The following ASH2L variants were observed in gnomAD, a reference collection of about 807,000 sequenced individuals.
ASH2L encodes the protein ASH2 like, histone lysine methyltransferase complex subunit, also known as set1/Ash2 histone methyltransferase complex subunit ASH2.
A neutral mutation model predicts 81.1 loss-of-function variants in ASH2L; 30 were observed. The ratio of observed to expected loss-of-function variants is 0.37; its 90% CI spans 0.28 to 0.50. The LOEUF (loss-of-function observed/expected upper bound fraction) is 0.50. Ranked by LOEUF, ASH2L falls within the 20% of genes least tolerant of loss-of-function variation. The pLI is 0.95. For synonymous variants in ASH2L, 273 were observed against 279.9 expected, an observed-to-expected ratio of 0.98 and a Z score of 0.24; for missense variants, 559 against 792.1, an observed-to-expected ratio of 0.71 and a Z score of 3.53.
chr8:38,121,343 A>ATATATATATATATT (rs1811140214), intron 10 of ASH2L, among the ~76,000 whole-genome samples, 194 bp downstream of exon 10: 1 of 35,248 alleles, frequency 2.8e-5, no homozygotes, highest in African/African-American at 8.7e-5. Flanking sequence ...TTATATATAT[A>ATATATATATATATT]TATATATATA....
intron 3 of ASH2L, among the ~76,000 whole-genome samples, chr8:38,110,177 G>T (rs1254135563): frequency 6.6e-6 from 1 of 152,182 alleles, no homozygotes; most frequent in African/African-American, 2.4e-5. Context: ...GGGCATGGTG[G>T]CTAATGCCTA....
At chr8:38,132,217 C>T (rs763157695) in intron 12 of ASH2L, among the ~76,000 whole-genome samples, 4 of 152,168 alleles carry the variant, frequency 2.6e-5, no homozygotes, top group Non-Finnish European at 4.4e-5. Flanking sequence ...GACACTGGAA[C>T]AGTGATTACT....
At chr8:38,116,836 G>A (rs1426353976) in intron 8 of ASH2L, 111 bp downstream of exon 8, 2 of 884,004 alleles carry the variant, frequency 2.3e-6, no homozygotes, top group African/African-American at 3.4e-5. Context: ...TTACTAAAAT[G>A]CTTTTATAGT....
chr8:38,132,738 G>C (rs146047652), intron 12 of ASH2L, among the ~76,000 whole-genome samples: 1 of 151,694 alleles, frequency 6.6e-6, no homozygotes, highest in Non-Finnish European at 1.5e-5. Context: ...GGCCAAGATT[G>C]CAGTGAGCCA....
chr8:38,129,854 T>C (rs767493269), intron 12 of ASH2L, among the ~76,000 whole-genome samples: 10 of 152,214 alleles, frequency 6.6e-5, no homozygotes, highest in Non-Finnish European at 1.3e-4. Context: ...CCAGTGTGTT[T>C]ATGCATTTTC....
In ASH2L at chr8:38,105,752, C is replaced by CCG. The variant is rs747082849; in HGVS notation, c.188+16_188+17dup. On this transcript the variant is annotated intron_variant, in intron 1 of 15. Coordinates refer to ENST00000343823, the MANE Select transcript of ASH2L (RefSeq NM_004674.5). ...GGCTGAAGGCGGGTAAGAGGTCCTG[C>CCG]CGCCCGAGGAAGACGCGGGAGGGAG... The CCG allele has an allele frequency of 2.7e-6, 4 of 1,506,340 alleles. No homozygotes were observed. Among genetic ancestry groups the CCG allele is most frequent in the Non-Finnish European group, 3.5e-6 (4 of 1,131,012 alleles). The allele number at this position is 1,506,340 out of a possible 1,614,324, so 93.3% of individuals were successfully genotyped here. A position where few individuals can be genotyped will look rare whatever the true frequency, so the allele number is the denominator to read the frequency against.
At chr8:38,126,932 T>G (rs1489130533) in intron 10 of ASH2L, among the ~76,000 whole-genome samples, 1 of 151,730 alleles carries the variant, frequency 6.6e-6, no homozygotes, top group Non-Finnish European at 1.5e-5. Flanking sequence ...TCCCAGAACT[T>G]TGGGAGGCCA....
chr8:38,125,998 G>A (rs1801829499), intron 10 of ASH2L, among the ~76,000 whole-genome samples: 1 of 152,058 alleles, frequency 6.6e-6, no homozygotes, highest in East Asian at 1.9e-4. Context: ...GAGGTCAGGA[G>A]TTTGATACCA....
chr8:38,134,914 C>T (rs1802195378), intron 13 of ASH2L, among the ~76,000 whole-genome samples: 1 of 152,024 alleles, frequency 6.6e-6, no homozygotes, highest in Non-Finnish European at 1.5e-5. Context: ...CATGAGGATT[C>T]AGAGATGTGA....
chr8:38,129,258 G>A (rs1437596903), intron 12 of ASH2L, among the ~76,000 whole-genome samples: 1 of 152,074 alleles, frequency 6.6e-6, no homozygotes, highest in East Asian at 1.9e-4. Context: ...TCATTCTTTT[G>A]ATACAAAATG....
intron 7 of ASH2L, among the ~76,000 whole-genome samples, chr8:38,115,566 C>G (rs940094913): frequency 2.6e-5 from 4 of 152,136 alleles, no homozygotes; most frequent in Non-Finnish European, 5.9e-5. Flanking sequence ...CTTTTGGAGG[C>G]TGAGGCAGGA....
chr8:38,131,645 C>G (rs1802061386), intron 12 of ASH2L, among the ~76,000 whole-genome samples: 1 of 151,818 alleles, frequency 6.6e-6, no homozygotes, highest in African/African-American at 2.4e-5. Context: ...AAGACTGTCT[C>G]AAAAATAAAT....
intron 7 of ASH2L, among the ~76,000 whole-genome samples, chr8:38,115,588 G>C (rs1810860292): frequency 6.6e-6 from 1 of 152,076 alleles, no homozygotes; most frequent in East Asian, 1.9e-4. Context: ...GATTGCTTGA[G>C]TCCAGGCATT....
At position 38,110,865 on chromosome 8, in the gene ASH2L, A is replaced by T. The variant is rs773661098; in HGVS notation, c.585+32A>T. 9 of 1,570,614 alleles carry T rather than the reference A, an allele frequency of 5.7e-6. No individual in the cohort carries two copies. The African/African-American group carries it at 1.2e-4, about 21-fold the overall frequency. On this transcript the variant is annotated intron_variant, in intron 5 of 15. Transcript: ENST00000343823. The stretch of plus-strand genomic sequence containing the variant: ...GTGGAACTAATGTGATTGCAGTTAT[A>T]TTGAAGAGTTAGGTGGAACTTCTAA...
chr8:38,130,484 A>G (rs902375172), intron 12 of ASH2L, among the ~76,000 whole-genome samples: 1 of 151,586 alleles, frequency 6.6e-6, no homozygotes, highest in African/African-American at 2.4e-5. Flanking sequence ...ATTTCTTTCC[A>G]TGAATTTAAA....
At chr8:38,136,043 A>C (rs1802238483) in intron 14 of ASH2L, among the ~76,000 whole-genome samples, 1 of 151,778 alleles carries the variant, frequency 6.6e-6, no homozygotes, top group Admixed American at 6.6e-5. Flanking sequence ...ATACACATAC[A>C]CAAATCCTCC....
chr8:38,136,565 A>T (rs376148604), intron 14 of ASH2L, among the ~76,000 whole-genome samples: 82 of 152,032 alleles, frequency 5.4e-4, no homozygotes, highest in African/African-American at 2.0e-3. Flanking sequence ...ACTTGAGGTC[A>T]GGGGTTCGAG....
chr8:38,133,748 T>G (rs796382501), intron 13 of ASH2L, among the ~76,000 whole-genome samples: 156 of 152,284 alleles, frequency 1.0e-3, no homozygotes, highest in African/African-American at 3.5e-3. Context: ...AGAGACATGA[T>G]CCTGTTCTTT....
At chr8:38,132,493 A>G (rs1802098411) in intron 12 of ASH2L, among the ~76,000 whole-genome samples, 1 of 152,284 alleles carries the variant, frequency 6.6e-6, no homozygotes, top group Admixed American at 6.5e-5. Context: ...CCTTCAAAAT[A>G]TTTTCATAGA....
Sources: gnomAD v4.1 joint callset for allele counts (sites outside exome capture counted in the v4.1 genomes callset) on GRCh38, gnomAD v4.1.1 for gene constraint, MANE v1.5 for transcripts, NCBI Gene and HGNC (gene_info 2026-07-23, HGNC 2026-07-21) for gene names.